PGGT1B: variants seen among roughly 807,000 people sequenced by gnomAD.
PGGT1B encodes the protein protein geranylgeranyltransferase type I subunit beta, also known as geranylgeranyl transferase type-1 subunit beta.
In PGGT1B, 30 loss-of-function variants were observed where a neutral mutation model predicts 46.1. That is an observed-to-expected ratio of 0.65 (90% confidence interval 0.49 to 0.88). The LOEUF (loss-of-function observed/expected upper bound fraction) is 0.88. Among genes scored for constraint, PGGT1B ranks in the 40% least tolerant of loss-of-function variants. The probability of loss-of-function intolerance (pLI) is 0.00; values close to 1 mark genes in which losing one functional copy is unlikely to be tolerated. For synonymous variants in PGGT1B, 170 were observed against 160.0 expected, an observed-to-expected ratio of 1.06 and a Z score of -0.47; for missense variants, 376 against 455.9, an observed-to-expected ratio of 0.82 and a Z score of 1.60.
At chr5:115,252,556 G>A (rs1748149152) in intron 2 of PGGT1B, among the ~76,000 whole-genome samples, 1 of 151,908 alleles carries the variant, frequency 6.6e-6, no homozygotes, top group Non-Finnish European at 1.5e-5. Context: ...TTAATAGAGT[G>A]AATAACAGAG....
At chr5:115,241,747 T>A in intron 2 of PGGT1B, 141 bp from the exon 3 acceptor site, 1 of 539,294 alleles carries the variant, frequency 1.9e-6, no homozygotes, top group African/African-American at 2.0e-5. Flanking sequence ...GCTTACCATG[T>A]GCCAGGTCCA....
intron 6 of PGGT1B, among the ~76,000 whole-genome samples, chr5:115,224,191 C>T (rs1260654896): frequency 6.6e-6 from 1 of 152,136 alleles, no homozygotes; most frequent in Non-Finnish European, 1.5e-5. Flanking sequence ...AAATGACTCA[C>T]TAGTTCCAAT....
intron 2 of PGGT1B, among the ~76,000 whole-genome samples, chr5:115,252,625 TTTAA>T (rs576958101): frequency 2.6e-4 from 39 of 152,180 alleles, no homozygotes; most frequent in African/African-American, 8.7e-4. Flanking sequence ...TGAGAATTCA[TTTAA>T]TTAATCAAAA....
At chr5:115,227,256 T>C (rs1756818721) in intron 6 of PGGT1B, among the ~76,000 whole-genome samples, 1 of 152,180 alleles carries the variant, frequency 6.6e-6, no homozygotes, top group South Asian at 2.1e-4. Flanking sequence ...ACAATAATTA[T>C]TGTGGTTTTC....
intron 5 of PGGT1B, among the ~76,000 whole-genome samples, chr5:115,232,677 A>G (rs1027857925): frequency 6.6e-6 from 1 of 152,040 alleles, no homozygotes; most frequent in Non-Finnish European, 1.5e-5. Flanking sequence ...GATGATTAAA[A>G]TCACCTTGTA....
intron 3 of PGGT1B, among the ~76,000 whole-genome samples, chr5:115,240,522 T>C (rs981151134): frequency 2.4e-4 from 36 of 152,292 alleles, no homozygotes; most frequent in South Asian, 4.1e-4. Flanking sequence ...TCCTTTGTTT[T>C]CTCATTCCCT....
chr5:115,225,355 A>G (rs1378957249), intron 6 of PGGT1B, among the ~76,000 whole-genome samples: 3 of 152,092 alleles, frequency 2.0e-5, no homozygotes, highest in Non-Finnish European at 4.4e-5. Context: ...ACCTACCCCA[A>G]TTCTTCCAAC....
intron 3 of PGGT1B, among the ~76,000 whole-genome samples, chr5:115,238,905 G>C (rs1757267796): frequency 6.6e-6 from 1 of 152,114 alleles, no homozygotes; most frequent in Admixed American, 6.5e-5. Flanking sequence ...CAAGATCCAA[G>C]GGTCTTGAAA....
At position 115,209,982 on chromosome 5, in the gene PGGT1B, T is replaced by TCCAAC. The variant is rs1464743427; in HGVS notation, c.*2415_*2419dup. ...TAACTGTCTCTCAAAAATGATCAGG[T>TCCAAC]CCAACAGTTTTCAAATTATATACCA... On this transcript the variant is annotated 3_prime_UTR_variant, in exon 9 of 9. Transcript: ENST00000419445. 1 of 152,062 alleles carries TCCAAC rather than the reference T, an allele frequency of 6.6e-6. No individual in the cohort carries two copies. Among genetic ancestry groups the TCCAAC allele is most frequent in the Non-Finnish European group, 1.5e-5 (1 of 67,998 alleles). 9.4% of individuals were successfully genotyped at this position (152,062 alleles called of 1,614,324 possible). A position where few individuals can be genotyped will look rare whatever the true frequency, so the allele number is the denominator to read the frequency against.
At chr5:115,243,477 A>T (rs1757412910) in intron 2 of PGGT1B, among the ~76,000 whole-genome samples, 1 of 152,266 alleles carries the variant, frequency 6.6e-6, no homozygotes, top group Non-Finnish European at 1.5e-5. Context: ...GTTTATAATT[A>T]AGCAAATGGC....
chr5:115,251,268 C>T (rs1028773626), intron 2 of PGGT1B, among the ~76,000 whole-genome samples: 1 of 152,002 alleles, frequency 6.6e-6, no homozygotes, highest in East Asian at 1.9e-4. Flanking sequence ...TTATTTTCCA[C>T]CTTTTTAATT....
At chr5:115,262,577 CA>C in intron 1 of PGGT1B, 134 bp downstream of exon 1, 1 of 974,756 alleles carries the variant, frequency 1.0e-6, no homozygotes. Context: ...ACCTCAAGCC[CA>C]CTTGAAACCA....
At position 115,215,982 on chromosome 5, in the gene PGGT1B, T is replaced by C. The variant is rs568559340; in HGVS notation, c.952+883A>G. Among the ~76,000 whole-genome samples, 34 of 152,154 alleles carry C rather than the reference T, an allele frequency of 2.2e-4. No homozygotes were observed. In the South Asian group the frequency reaches 7.1e-3, roughly 32 times the overall value. On this transcript the variant is annotated intron_variant, in intron 8 of 8. Transcript: ENST00000419445. ...AGGTGAAAACATATGTCGGGTGAGG[T>C]GTAGGCTGCAGAATGATGCTAGAGG...
intron 1 of PGGT1B, among the ~76,000 whole-genome samples, chr5:115,257,767 G>C (rs1748386339): frequency 6.6e-6 from 1 of 152,004 alleles, no homozygotes; most frequent in Non-Finnish European, 1.5e-5. Flanking sequence ...ATACCAGATG[G>C]GCCTATGACT....
chr5:115,219,163 A>T (rs1418436766), intron 7 of PGGT1B, among the ~76,000 whole-genome samples: 3 of 151,956 alleles, frequency 2.0e-5, no homozygotes, highest in African/African-American at 7.2e-5. Context: ...TTGAAAAAGA[A>T]AAGTTGGAAG....
At chr5:115,231,299 T>G (rs1756972525) in intron 5 of PGGT1B, among the ~76,000 whole-genome samples, 1 of 151,982 alleles carries the variant, frequency 6.6e-6, no homozygotes, top group African/African-American at 2.4e-5. Context: ...CAATCCCTAC[T>G]CAATAAAAGC....
chr5:115,229,234 C>T (rs1355914401), intron 6 of PGGT1B, among the ~76,000 whole-genome samples: 5 of 152,064 alleles, frequency 3.3e-5, no homozygotes, highest in Non-Finnish European at 5.9e-5. Flanking sequence ...TGCTCCTGGC[C>T]GGAGACAACC....
intron 3 of PGGT1B, among the ~76,000 whole-genome samples, chr5:115,238,873 C>T (rs745746156): frequency 1.3e-5 from 2 of 152,122 alleles, no homozygotes; most frequent in Admixed American, 6.5e-5. Flanking sequence ...AAATATCAGA[C>T]GGACCACTAG....
At chr5:115,221,044 G>C (rs755658029) in intron 7 of PGGT1B, among the ~76,000 whole-genome samples, 1 of 151,896 alleles carries the variant, frequency 6.6e-6, no homozygotes, top group Non-Finnish European at 1.5e-5. Context: ...CTGAGAAATG[G>C]TACTACAAGT....
Sources: allele counts gnomAD v4.1 joint callset (sites outside exome capture counted in the v4.1 genomes callset), GRCh38; gene constraint gnomAD v4.1.1; transcripts MANE v1.5; gene names NCBI Gene and HGNC (gene_info 2026-07-23, HGNC 2026-07-21).